Variants in UMAD1 observed in about 807,000 individuals in gnomAD.
UMAD1 encodes UBAP1-MVB12-associated (UMA) domain containing 1.
UMAD1 carries 8 observed loss-of-function variants against 6.1 expected under a neutral mutation model. The ratio of observed to expected loss-of-function variants is 1.30; its 90% CI spans 0.76 to 2.35. The LOEUF (loss-of-function observed/expected upper bound fraction) is 2.35, where lower values mean the gene tolerates loss of function less well. UMAD1 is among the 30% of genes most tolerant of loss of function. The probability of loss-of-function intolerance (pLI) is 0.00; values close to 1 mark genes in which losing one functional copy is unlikely to be tolerated. For missense variants in UMAD1, 130 were observed against 78.4 expected (o/e 1.66, Z -2.49); for synonymous variants, 56 against 31.4 (o/e 1.78, Z -2.61).
intron 3 of UMAD1, among the ~76,000 whole-genome samples, chr7:7,850,571 C>T (rs939232957): frequency 6.6e-6 from 1 of 151,968 alleles, no homozygotes; most frequent in African/African-American, 2.4e-5. Flanking sequence ...TTTACCATGA[C>T]CATAAGGCCA....
At chr7:7,801,636 A>C (rs1006697556) in intron 2 of UMAD1, 34 bp from the exon 3 acceptor site, 1 of 711,710 alleles carries the variant, frequency 1.4e-6, no homozygotes, top group African/African-American at 1.8e-5. Context: ...AATATGGTCA[A>C]GTTTTAAAAA....
chr7:7,805,131 A>C (rs1782886700), intron 3 of UMAD1, among the ~76,000 whole-genome samples: 1 of 152,134 alleles, frequency 6.6e-6, no homozygotes, highest in Non-Finnish European at 1.5e-5. Context: ...ATGACTCCTA[A>C]AATATGTCTC....
intron 2 of UMAD1, among the ~76,000 whole-genome samples, chr7:7,790,049 G>A (rs1398978148): frequency 6.6e-6 from 1 of 152,124 alleles, no homozygotes; most frequent in Non-Finnish European, 1.5e-5. Flanking sequence ...AGGGAAGGAG[G>A]CGATAGTGAC....
intron 3 of UMAD1, among the ~76,000 whole-genome samples, chr7:7,856,405 C>T (rs183086900): frequency 6.6e-6 from 1 of 152,292 alleles, no homozygotes; most frequent in Non-Finnish European, 1.5e-5. Context: ...AGGGGAAATG[C>T]CAGATGCTTA....
At chr7:7,793,802 C>G (rs1782616122) in intron 2 of UMAD1, among the ~76,000 whole-genome samples, 1 of 152,094 alleles carries the variant, frequency 6.6e-6, no homozygotes, top group Non-Finnish European at 1.5e-5. Context: ...TCCGAAGAGT[C>G]AGATGAAAAG....
intron 2 of UMAD1, among the ~76,000 whole-genome samples, chr7:7,793,845 A>G (rs2115266368): frequency 6.6e-6 from 1 of 152,348 alleles, no homozygotes; most frequent in South Asian, 2.1e-4. Flanking sequence ...AACTTTAGAA[A>G]TGTTATATCA....
chr7:7,731,976 G>A (rs1299292093), intron 2 of UMAD1, among the ~76,000 whole-genome samples: 1 of 151,834 alleles, frequency 6.6e-6, no homozygotes, highest in East Asian at 1.9e-4. Context: ...ACAGTAAGAG[G>A]GTCCACCTTA....
rs555938353 is a variant in UMAD1, at chr7:7,709,008, A to G, written c.82+35555A>G. Among the ~76,000 whole-genome samples the G allele has an allele frequency of 6.6e-5, 10 of 152,064 alleles. 1 individual carries two copies. Among genetic ancestry groups the G allele is most frequent in the African/African-American group, 2.4e-4 (10 of 41,520 alleles). On this transcript the variant is annotated intron_variant, in intron 2 of 3. Coordinates refer to ENST00000682710, the MANE Select transcript of UMAD1 (RefSeq NM_001302348.2). Reference sequence around the variant, plus strand: ...AAGTGTGGGAGGAAAAGAGGAGAGGAGGAGAAGACAGAAGAGGAAAACAGT... The same window carrying G: ...AAGTGTGGGAGGAAAAGAGGAGAGGGGGAGAAGACAGAAGAGGAAAACAGT...
chr7:7,653,257 A>G (rs893784298), intron 1 of UMAD1, among the ~76,000 whole-genome samples: 16 of 152,220 alleles, frequency 1.1e-4, no homozygotes, highest in African/African-American at 3.6e-4. Context: ...ATGCAGTTAT[A>G]TTTGTAACTT....
chr7:7,662,866 T>C (rs1412038671), intron 1 of UMAD1, among the ~76,000 whole-genome samples: 1 of 151,854 alleles, frequency 6.6e-6, no homozygotes, highest in East Asian at 1.9e-4. Context: ...AAGAAAGATA[T>C]AATGATTTTG....
chr7:7,829,785 A>C (rs945197749), intron 3 of UMAD1, among the ~76,000 whole-genome samples: 1 of 152,198 alleles, frequency 6.6e-6, no homozygotes, highest in Admixed American at 6.5e-5. Context: ...TAGAAAAAGC[A>C]TGTAGTATCA....
intron 2 of UMAD1, among the ~76,000 whole-genome samples, chr7:7,725,202 C>T (rs771387255): frequency 8.5e-5 from 13 of 152,296 alleles, no homozygotes; most frequent in African/African-American, 2.9e-4. Context: ...ACATGGTGGG[C>T]CTGTTTGGAT....
intron 3 of UMAD1, among the ~76,000 whole-genome samples, chr7:7,836,462 A>G (rs912254622): frequency 6.6e-6 from 1 of 151,934 alleles, no homozygotes; most frequent in African/African-American, 2.4e-5. Flanking sequence ...TTTATTTTTT[A>G]TACCTTTGAA....
rs112600806 is a variant in UMAD1, at chr7:7,749,145, TG to T, written c.83-52520del. 3.7e-3 allele frequency among the ~76,000 whole-genome samples: 571 copies of T among 152,314 alleles called. 8 individuals are homozygous for T. Among genetic ancestry groups the T allele is most frequent in the African/African-American group, 0.013 (549 of 41,570 alleles). The stretch of plus-strand genomic sequence containing the variant: ...TATAATAGATTTGAGGACAGGTTTG[TG>T]GGGGATTCCATAACAAATTCAATTT... On this transcript the variant is annotated intron_variant, in intron 2 of 3. Transcript: ENST00000682710.
At chr7:7,744,646 A>C (rs1450872898) in intron 2 of UMAD1, among the ~76,000 whole-genome samples, 3 of 144,122 alleles carry the variant, frequency 2.1e-5, no homozygotes, top group Non-Finnish European at 4.5e-5. Context: ...ATAGTAGTTC[A>C]TTGTGGTTTT....
chr7:7,739,634 A>G (rs1781424511), intron 2 of UMAD1, among the ~76,000 whole-genome samples: 1 of 152,228 alleles, frequency 6.6e-6, no homozygotes, highest in African/African-American at 2.4e-5. Context: ...ATCAAGCAAA[A>G]GCTTTAGAAA....
At chr7:7,649,459 A>C (rs1293705378) in intron 1 of UMAD1, among the ~76,000 whole-genome samples, 1 of 152,210 alleles carries the variant, frequency 6.6e-6, no homozygotes, top group Non-Finnish European at 1.5e-5. Context: ...CCAGCTCTCA[A>C]CACTGTTGCA....
chr7:7,645,476 G>A (rs138480196), intron 1 of UMAD1, among the ~76,000 whole-genome samples: 51 of 152,256 alleles, frequency 3.3e-4, no homozygotes, highest in Admixed American at 3.9e-4. Flanking sequence ...CATAGGCCAG[G>A]TAAGTGATGG....
intron 2 of UMAD1, among the ~76,000 whole-genome samples, chr7:7,680,886 G>T (rs962763591): frequency 6.6e-6 from 1 of 151,714 alleles, no homozygotes; most frequent in African/African-American, 2.4e-5. Context: ...TTTGTATGTT[G>T]ATTTTGTATG....
Sources: gnomAD v4.1 joint callset for allele counts (sites outside exome capture counted in the v4.1 genomes callset) on GRCh38, gnomAD v4.1.1 for gene constraint, MANE v1.5 for transcripts, NCBI Gene and HGNC (gene_info 2026-07-23, HGNC 2026-07-21) for gene names.